The following CCSER1 variants were observed in gnomAD, a reference collection of about 807,000 sequenced individuals.
The protein encoded by CCSER1 is coiled-coil serine rich protein 1.
A neutral mutation model predicts 82.0 loss-of-function variants in CCSER1; 41 were observed. The observed-to-expected ratio is 0.50, with a 90% CI of 0.39 to 0.65. CCSER1 has a LOEUF of 0.65. CCSER1 is among the 30% of genes least tolerant of loss of function. The pLI is 0.00. For missense variants in CCSER1, 1,119 were observed against 1,064.2 expected, an observed-to-expected ratio of 1.05 and a Z score of -0.72; for synonymous variants, 414 against 383.9, an observed-to-expected ratio of 1.08 and a Z score of -0.92.
chr4:91,317,489 G>T (rs952138244), intron 10 of CCSER1, among the ~76,000 whole-genome samples: 9 of 151,832 alleles, frequency 5.9e-5, no homozygotes, highest in African/African-American at 1.9e-4. Context: ...GAAGGGTAGG[G>T]CTCTCTGTTT....
intron 7 of CCSER1, among the ~76,000 whole-genome samples, chr4:90,764,912 T>A (rs1483873506): frequency 6.6e-6 from 1 of 152,118 alleles, no homozygotes; most frequent in Non-Finnish European, 1.5e-5. Context: ...AAACAATATA[T>A]ATTTCTCACC....
chr4:90,466,150 A>G (rs532066095), intron 4 of CCSER1, among the ~76,000 whole-genome samples: 16 of 152,326 alleles, frequency 1.1e-4, no homozygotes, highest in Non-Finnish European at 2.1e-4. Context: ...TGCAGATGTA[A>G]TTAAGGCTAC....
chr4:90,271,539 A>G (rs1159526411), intron 1 of CCSER1, among the ~76,000 whole-genome samples: 3 of 151,974 alleles, frequency 2.0e-5, no homozygotes, highest in East Asian at 1.9e-4. Flanking sequence ...TGAAACTACT[A>G]AAATAAAACT....
chr4:90,246,977 A>G (rs1242160983), intron 1 of CCSER1, among the ~76,000 whole-genome samples: 2 of 151,890 alleles, frequency 1.3e-5, no homozygotes, highest in Non-Finnish European at 2.9e-5. Context: ...GCCATTATTA[A>G]GTAAAAAAAA....
At chr4:91,476,886 C>T (rs1173683647) in intron 10 of CCSER1, among the ~76,000 whole-genome samples, 1 of 151,624 alleles carries the variant, frequency 6.6e-6, no homozygotes, top group African/African-American at 2.4e-5. Flanking sequence ...AACTAGATTA[C>T]TCTCTCTCAA....
chr4:91,502,990 A>G (rs1759288887), intron 10 of CCSER1, among the ~76,000 whole-genome samples: 1 of 151,320 alleles, frequency 6.6e-6, no homozygotes, highest in Non-Finnish European at 1.5e-5. Flanking sequence ...TTAATATGCT[A>G]TTGAATTCCA....
At chr4:91,074,261 A>T (rs1237186616) in intron 9 of CCSER1, among the ~76,000 whole-genome samples, 1 of 152,216 alleles carries the variant, frequency 6.6e-6, no homozygotes, top group African/African-American at 2.4e-5. Context: ...AATTAAATTA[A>T]TCCAGGTAAA....
chr4:90,254,846 G>A (rs966331760), intron 1 of CCSER1, among the ~76,000 whole-genome samples: 1 of 152,054 alleles, frequency 6.6e-6, no homozygotes, highest in African/African-American at 2.4e-5. Flanking sequence ...GATAATTTAA[G>A]TGGTTACTTT....
At chr4:90,210,652 C>T (rs1739805291) in intron 1 of CCSER1, among the ~76,000 whole-genome samples, 1 of 151,964 alleles carries the variant, frequency 6.6e-6, no homozygotes, top group African/African-American at 2.4e-5. Context: ...CCTATACTTC[C>T]CAGGCTGCTC....
chr4:91,054,375 T>C lies in CCSER1; in HGVS notation c.2173-31575T>C, dbSNP rs17017999. Among the ~76,000 whole-genome samples, 469 of 152,320 alleles carry C rather than the reference T, an allele frequency of 3.1e-3. 1 individual carries two copies. The highest frequency in any genetic ancestry group is 0.011 in the African/African-American group (453 of 41,568). ...TTCAGCTTAGCACTTCTTCTATTATTTACCTAGTTTTCATTTAGATGGAAT... is the reference window on the plus strand; with the variant it reads ...TTCAGCTTAGCACTTCTTCTATTATCTACCTAGTTTTCATTTAGATGGAAT... On this transcript the variant is annotated intron_variant, in intron 9 of 10. Transcript: ENST00000509176.
intron 7 of CCSER1, chr4:90,780,614 A>G: frequency 7.0e-7 from 1 of 1,438,178 alleles, no homozygotes; most frequent in Non-Finnish European, 9.1e-7. Flanking sequence ...GGCAAAGGAC[A>G]GTAGGCTTTT....
At chr4:90,352,932 C>T (rs2153513574) in intron 3 of CCSER1, among the ~76,000 whole-genome samples, 1 of 152,176 alleles carries the variant, frequency 6.6e-6, no homozygotes, top group South Asian at 2.1e-4. Flanking sequence ...CTGATACCAC[C>T]TGTGATTGTT....
intron 10 of CCSER1, among the ~76,000 whole-genome samples, chr4:91,246,713 G>A (rs148625252): frequency 1.8e-3 from 266 of 151,954 alleles, no homozygotes; most frequent in African/African-American, 5.9e-3. Context: ...TCCATGATGC[G>A]GTTATTACAT....
At chr4:90,389,373 C>G (rs1056331806) in intron 3 of CCSER1, among the ~76,000 whole-genome samples, 1 of 152,146 alleles carries the variant, frequency 6.6e-6, no homozygotes, top group African/African-American at 2.4e-5. Context: ...TTAAACATTC[C>G]TCTGTATTAC....
intron 10 of CCSER1, among the ~76,000 whole-genome samples, chr4:91,594,438 CACATATAT>C (rs1335135015): frequency 1.4e-5 from 2 of 147,924 alleles, no homozygotes; most frequent in African/African-American, 5.0e-5. Flanking sequence ...TACATATACA[CACATATAT>C]ACATATATAT....
intron 9 of CCSER1, among the ~76,000 whole-genome samples, chr4:91,072,506 T>G (rs1017417410): frequency 3.3e-5 from 5 of 152,144 alleles, no homozygotes; most frequent in African/African-American, 1.2e-4. Context: ...TCTTGAACAT[T>G]AATATAGTTC....
chr4:91,177,279 T>A (rs1411812570), intron 10 of CCSER1, among the ~76,000 whole-genome samples: 2 of 152,238 alleles, frequency 1.3e-5, no homozygotes, highest in Non-Finnish European at 2.9e-5. Context: ...TCTAAAATTC[T>A]CTTTTTCTGC....
chr4:90,340,083 C>T (rs1362900841), intron 3 of CCSER1, among the ~76,000 whole-genome samples: 1 of 152,028 alleles, frequency 6.6e-6, no homozygotes. Context: ...ATTAAAAATT[C>T]CATCTACTAT....
At chr4:90,648,289 GAAAGAAAGAAA>G in intron 6 of CCSER1, among the ~76,000 whole-genome samples, 1 of 90,626 alleles carries the variant, frequency 1.1e-5, no homozygotes, top group South Asian at 3.9e-4. Flanking sequence ...AGAAAGGAAA[GAAAGAAAGAAA>G]GAAAGAAAGA....
Sources: allele counts gnomAD v4.1 joint callset (sites outside exome capture counted in the v4.1 genomes callset), GRCh38; gene constraint gnomAD v4.1.1; transcripts MANE v1.5; gene names NCBI Gene and HGNC (gene_info 2026-07-23, HGNC 2026-07-21).